Variants in AKAP13 observed in about 807,000 individuals in gnomAD.
AKAP13 encodes the protein A-kinase anchor protein 13.
AKAP13 carries 80 observed loss-of-function variants against 264.5 expected under a neutral mutation model. The ratio of observed to expected loss-of-function variants is 0.30; its 90% CI spans 0.25 to 0.36. AKAP13 has a LOEUF of 0.36. Among genes scored for constraint, AKAP13 ranks in the 10% least tolerant of loss-of-function variants. AKAP13 has a pLI of 1.00. For synonymous variants in AKAP13, 1,380 were observed against 1,250.2 expected, an observed-to-expected ratio of 1.10 and a Z score of -2.19; for missense variants, 3,712 against 3,435.2, an observed-to-expected ratio of 1.08 and a Z score of -2.01.
intron 5 of AKAP13, among the ~76,000 whole-genome samples, chr15:85,544,595 G>A (rs547571656): frequency 1.3e-5 from 2 of 152,146 alleles, no homozygotes; most frequent in African/African-American, 2.4e-5. Flanking sequence ...TCTAGAGGAA[G>A]GTTGTTAGTC....
intron 8 of AKAP13, among the ~76,000 whole-genome samples, chr15:85,592,130 T>A (rs143655128): frequency 5.6e-4 from 84 of 149,034 alleles, no homozygotes; most frequent in Admixed American, 1.3e-3. Flanking sequence ...TTTACAACAG[T>A]ATTCATGTTT....
chr15:85,619,442 C>G, intron 8 of AKAP13: 1 of 985,288 alleles, frequency 1.0e-6, no homozygotes, highest in African/African-American at 1.7e-5. Flanking sequence ...TAAATCAAAA[C>G]CAAGCCCTAC....
At chr15:85,731,074 G>A (rs1406932595) in intron 30 of AKAP13, among the ~76,000 whole-genome samples, 4 of 134,444 alleles carry the variant, frequency 3.0e-5, no homozygotes, top group African/African-American at 5.8e-5. Context: ...GTGCAACCTC[G>A]GCTCACTGCA....
chr15:85,434,424 A>G (rs1347058920), intron 1 of AKAP13, among the ~76,000 whole-genome samples: 2 of 152,236 alleles, frequency 1.3e-5, no homozygotes, highest in East Asian at 3.9e-4. Flanking sequence ...AGGCTTGATT[A>G]GGTAAACAAA....
Position 85,543,878 on chromosome 15 carries a change from C to G in AKAP13, c.585C>G (p.Ile195Met). 1 of 1,614,086 alleles carries G rather than the reference C, an allele frequency of 6.2e-7. No individual in the cohort carries two copies. The highest frequency in any genetic ancestry group is 8.5e-7 in the Non-Finnish European group (1 of 1,179,992). ...CAGGTGGCCGCGGAGCTCTCAGTAT[C>G]CACAACCAGGAAGGGGCGACGCCTG... ...QKPGGRGALSIHNQEGATPVS... is the reference protein window; with the variant it reads ...QKPGGRGALSMHNQEGATPVS... Residue 195 changes from isoleucine (I) to methionine (M), a missense_variant, in exon 5 of 37, where the codon ATC becomes ATG. By Grantham distance (10) the Ile-to-Met change is conservative. Transcript: ENST00000394518.
intron 2 of AKAP13, among the ~76,000 whole-genome samples, chr15:85,510,788 T>C (rs2076390673): frequency 6.6e-6 from 1 of 152,224 alleles, no homozygotes; most frequent in Admixed American, 6.5e-5. Context: ...ATTGAGTGTA[T>C]CATGAATCTG....
intron 1 of AKAP13, among the ~76,000 whole-genome samples, chr15:85,435,928 C>T (rs1421423573): frequency 7.1e-6 from 1 of 141,340 alleles, no homozygotes; most frequent in Non-Finnish European, 1.5e-5. Flanking sequence ...AAATCACCAG[C>T]TAACATCATA....
rs369928472 is a variant in AKAP13 at position 85,581,864 on chromosome 15, G to T, written c.3796G>T (p.Ala1266Ser). The change falls in exon 7 of 37, where the codon GCT becomes TCT. Residue 1266 changes from alanine to serine, a missense_variant. Transcript: ENST00000394518. ...TGCTGTCATCGAACAAGTCAAGGCC[G>T]CTGGAGCACTGCTTACTGAGGGGGA... ...VDAVIEQVKA[A>S]GALLTEGEAC... is the part of the protein sequence containing the mutation. The T allele has an allele frequency of 8.1e-6, 13 of 1,614,048 alleles. No homozygotes were observed. Among genetic ancestry groups the T allele is most frequent in the Non-Finnish European group, 1.1e-5 (13 of 1,180,010 alleles).
Position 85,579,304 on chromosome 15 carries a change from G to C in AKAP13, c.1236G>C (p.Thr412=). 6.2e-7 allele frequency: 1 copy of C among 1,614,206 alleles called. No individual in the cohort carries two copies. Among genetic ancestry groups the C allele is most frequent in the Non-Finnish European group, 8.5e-7 (1 of 1,180,030 alleles). Residue 412 remains threonine (T), a synonymous_variant, in exon 7 of 37, where the codon ACG becomes ACC. Coordinates refer to ENST00000394518, the MANE Select transcript of AKAP13 (RefSeq NM_007200.5). The part of the protein sequence containing the change: ...QSLPDCGVKG[T]EGLSSCGNRN... ...TGCCTGATTGTGGAGTAAAGGGCAC[G>C]GAAGGCCTTTCGTCCTGTGGAAACA...
intron 1 of AKAP13, among the ~76,000 whole-genome samples, chr15:85,456,791 T>C (rs2074296334): frequency 6.6e-6 from 1 of 152,114 alleles, no homozygotes; most frequent in Non-Finnish European, 1.5e-5. Flanking sequence ...TCTATTTCCT[T>C]ATAGCTCATG....
At chr15:85,671,517 A>G (rs554176516) in intron 14 of AKAP13, among the ~76,000 whole-genome samples, 1 of 150,330 alleles carries the variant, frequency 6.7e-6, no homozygotes, top group Non-Finnish European at 1.5e-5. Context: ...TTTTCATGTG[A>G]TTAATATTTC....
rs913875567 is a variant in AKAP13 at position 85,479,570 on chromosome 15, A to G, written c.-11-6140A>G. On this transcript the variant is annotated intron_variant, in intron 1 of 36. Transcript: ENST00000394518. ...GGGACTGGGAGCAGATGTAGGGGTGATCTGCCCCCTCCTATTTTTTTGTGG... is the reference window on the plus strand; with the variant it reads ...GGGACTGGGAGCAGATGTAGGGGTGGTCTGCCCCCTCCTATTTTTTTGTGG... Among the ~76,000 whole-genome samples, 8 of 152,148 alleles carry G rather than the reference A, an allele frequency of 5.3e-5. No homozygotes were observed. The East Asian group carries it at 1.5e-3, about 29-fold the overall frequency.
At chr15:85,562,336 G>C (rs56052131) in intron 5 of AKAP13, among the ~76,000 whole-genome samples, 2 of 151,778 alleles carry the variant, frequency 1.3e-5, no homozygotes, top group South Asian at 2.1e-4. Context: ...AGGCCGAGGC[G>C]TGCGGATCAC....
chr15:85,740,775 A>AACC (rs2088908529), intron 34 of AKAP13, among the ~76,000 whole-genome samples: 1 of 67,386 alleles, frequency 1.5e-5, no homozygotes, highest in Non-Finnish European at 2.6e-5. Context: ...ACACACAACC[A>AACC]CCCCCCCCCC....
rs868614784 is a variant in AKAP13, at chr15:85,735,619, G to A, written c.7501G>A (p.Gly2501Ser). Residue 2501 changes from glycine to serine, a missense_variant, in exon 32 of 37, where the codon GGC (glycine) becomes AGC (serine). Physicochemically the swap from Gly to Ser is moderately conservative, Grantham distance 56. Around this residue, in one of 3 missense-constraint regions of AKAP13, gnomAD observed 611 missense variants for 539.3 expected, o/e 1.13. Transcript: ENST00000394518. ...QDLRRTESDS[G>S]LKKGGNANLV... is the part of the protein sequence containing the mutation. The stretch of plus-strand genomic sequence containing the variant: ...TCTTAGGAGAACGGAATCAGATAGT[G>A]GCCTAAAAAAGGTATTTCTCTTTAA... 6.2e-7 allele frequency: 1 copy of A among 1,612,628 alleles called. No homozygotes were observed. Among genetic ancestry groups the A allele is most frequent in the Non-Finnish European group, 8.5e-7 (1 of 1,179,490 alleles).
chr15:85,609,813 T>C (rs4843081), intron 8 of AKAP13, among the ~76,000 whole-genome samples: 30,914 of 152,206 alleles, frequency 0.2, 4,159 homozygotes, highest in Middle Eastern at 0.41. Context: ...ACTCTTCATA[T>C]GCAACACCCA....
chr15:85,410,633 T>G (rs969754147), intron 1 of AKAP13, among the ~76,000 whole-genome samples: 3 of 151,570 alleles, frequency 2.0e-5, no homozygotes, highest in Admixed American at 6.6e-5. Context: ...GCCATTTCTC[T>G]TCTGCGACTC....
chr15:85,579,862 A>T lies in AKAP13; in HGVS notation c.1794A>T (p.Ser598=). 6.2e-7 allele frequency: 1 copy of T among 1,614,202 alleles called. No individual in the cohort carries two copies. The highest frequency in any genetic ancestry group is 8.5e-7 in the Non-Finnish European group (1 of 1,180,024). ...VIPAAAKDKI[S]DGLEPYTLLA... The stretch of plus-strand genomic sequence containing the variant: ...CAGCTGCTGCAAAAGACAAGATTTC[A>T]GATGGATTAGAACCTTATACTCTCT... Residue 598 remains serine (S), a synonymous_variant, in exon 7 of 37, where the codon TCA becomes TCT. Coordinates refer to ENST00000394518, the MANE Select transcript of AKAP13 (RefSeq NM_007200.5).
intron 1 of AKAP13, among the ~76,000 whole-genome samples, chr15:85,430,601 A>G (rs114451567): frequency 6.6e-6 from 1 of 151,562 alleles, no homozygotes; most frequent in African/African-American, 2.4e-5. Flanking sequence ...AGTCATTCCT[A>G]CTCTTGTGGT....
Sources: gnomAD v4.1 joint callset for allele counts (sites outside exome capture counted in the v4.1 genomes callset) on GRCh38, gnomAD v4.1.1 for gene constraint, gnomAD v4.1.1 regional missense constraint, MANE v1.5 for transcripts, NCBI Gene and HGNC (gene_info 2026-07-23, HGNC 2026-07-21) for gene names.